The following DCC variants were observed in gnomAD, a reference collection of about 807,000 sequenced individuals.
DCC encodes DCC netrin 1 receptor.
Under a neutral mutation model 172.5 loss-of-function variants are expected in DCC, and 58 were observed. The ratio of observed to expected loss-of-function variants is 0.34; its 90% CI spans 0.27 to 0.42. The LOEUF is 0.42. Among genes scored for constraint, DCC ranks in the 10% least tolerant of loss-of-function variants. The probability of loss-of-function intolerance (pLI) is 1.00; values close to 1 mark genes in which losing one functional copy is unlikely to be tolerated. For synonymous variants in DCC, 709 were observed against 644.5 expected, an observed-to-expected ratio of 1.10 and a Z score of -1.52; for missense variants, 1,740 against 1,791.0, an observed-to-expected ratio of 0.97 and a Z score of 0.51.
chr18:53,507,453 A>G (rs2046194851), intron 27 of DCC, among the ~76,000 whole-genome samples: 1 of 152,224 alleles, frequency 6.6e-6, no homozygotes, highest in African/African-American at 2.4e-5. Context: ...CTCTTATCTT[A>G]CTAGCAGGGA....
At chr18:53,369,015 A>T (rs1482565396) in intron 15 of DCC, among the ~76,000 whole-genome samples, 3 of 151,992 alleles carry the variant, frequency 2.0e-5, no homozygotes, top group Non-Finnish European at 4.4e-5. Flanking sequence ...AATCTGTAAA[A>T]CACATTGGGT....
intron 5 of DCC, among the ~76,000 whole-genome samples, chr18:53,054,193 A>G (rs1241878630): frequency 6.6e-6 from 1 of 152,134 alleles, no homozygotes; most frequent in African/African-American, 2.4e-5. Context: ...CTGCATTTAC[A>G]TATTTTATTT....
At chr18:52,409,166 T>C (rs1419446220) in intron 1 of DCC, 1 of 152,152 alleles carries the variant, frequency 6.6e-6, no homozygotes, top group African/African-American at 2.4e-5. Context: ...TTGGGATGTA[T>C]CATGTATTCC....
At chr18:52,855,361 T>C (rs1159400572) in intron 2 of DCC, among the ~76,000 whole-genome samples, 1 of 152,220 alleles carries the variant, frequency 6.6e-6, no homozygotes, top group Non-Finnish European at 1.5e-5. Context: ...CTCCCTGTAT[T>C]TTCTATATTC....
intron 2 of DCC, among the ~76,000 whole-genome samples, chr18:52,834,526 A>G (rs570185914): frequency 6.6e-6 from 1 of 152,170 alleles, no homozygotes; most frequent in African/African-American, 2.4e-5. Flanking sequence ...TTGTGTGCCT[A>G]AGGATTGCAT....
intron 13 of DCC, among the ~76,000 whole-genome samples, chr18:53,316,310 T>A: frequency 6.6e-6 from 1 of 152,210 alleles, no homozygotes; most frequent in East Asian, 1.9e-4. Context: ...TCCTTTGCTC[T>A]ATATATCTGT....
intron 7 of DCC, among the ~76,000 whole-genome samples, chr18:53,116,268 T>C (rs73957092): frequency 0.04 from 6,084 of 151,852 alleles, 385 homozygotes; most frequent in African/African-American, 0.14. Context: ...AGCCCGAGCA[T>C]AGGAGCTCAA....
At chr18:52,432,304 TG>T (rs1987651640) in intron 1 of DCC, among the ~76,000 whole-genome samples, 1 of 152,142 alleles carries the variant, frequency 6.6e-6, no homozygotes, top group Non-Finnish European at 1.5e-5. Flanking sequence ...CCTGCTGACT[TG>T]GGTCTCCTTT....
chr18:52,752,288 A>G lies in DCC; in HGVS notation c.326A>G (p.Lys109Arg). The G allele has an allele frequency of 1.2e-6, 2 of 1,614,178 alleles. No individual in the cohort carries two copies. Among genetic ancestry groups the G allele is most frequent in the Non-Finnish European group, 1.7e-6 (2 of 1,180,028 alleles). ...AACATACTTCATTCCAGACACCACA[A>G]GCCAGATGAGGGACTTTACCAATGT... ...IQNILHSRHH[K>R]PDEGLYQCEA... Residue 109 changes from lysine (K) to arginine (R), a missense_variant, in exon 2 of 29, where the codon AAG becomes AGG. By Grantham distance (26) the Lys-to-Arg change is conservative (BLOSUM62 2). Coordinates refer to ENST00000442544, the MANE Select transcript of DCC (RefSeq NM_005215.4).
chr18:52,677,394 A>C (rs935416552), intron 1 of DCC, among the ~76,000 whole-genome samples: 2 of 152,032 alleles, frequency 1.3e-5, no homozygotes, highest in African/African-American at 4.8e-5. Context: ...AACTTGAAAA[A>C]ATTTTCAGGG....
intron 27 of DCC, among the ~76,000 whole-genome samples, chr18:53,516,484 A>C (rs1382596863): frequency 6.7e-6 from 1 of 148,152 alleles, no homozygotes; most frequent in African/African-American, 2.6e-5. Flanking sequence ...TCTGCACAGC[A>C]AAAGAAACTA....
chr18:52,997,751 G>A (rs1396418164), intron 5 of DCC, among the ~76,000 whole-genome samples: 1 of 152,070 alleles, frequency 6.6e-6, no homozygotes, highest in East Asian at 1.9e-4. Context: ...TATACCAAGT[G>A]CCTCATAGCT....
chr18:52,563,950 T>C (rs570307591), intron 1 of DCC, among the ~76,000 whole-genome samples: 2 of 152,242 alleles, frequency 1.3e-5, no homozygotes, highest in South Asian at 4.2e-4. Flanking sequence ...AGCAAAGCTT[T>C]GGGAACTTAT....
At chr18:52,887,403 G>T (rs2039586142) in intron 2 of DCC, among the ~76,000 whole-genome samples, 1 of 151,804 alleles carries the variant, frequency 6.6e-6, no homozygotes, top group African/African-American at 2.4e-5. Flanking sequence ...CTTTATATTA[G>T]GTTTATTCCA....
intron 1 of DCC, among the ~76,000 whole-genome samples, chr18:52,398,291 C>G (rs1440511107): frequency 6.6e-6 from 1 of 151,910 alleles, no homozygotes; most frequent in East Asian, 1.9e-4. Flanking sequence ...TATCTTAGAG[C>G]CTAATACACC....
chr18:52,488,556 C>A (rs1279880825), intron 1 of DCC, among the ~76,000 whole-genome samples: 1 of 151,954 alleles, frequency 6.6e-6, no homozygotes, highest in Non-Finnish European at 1.5e-5. Flanking sequence ...TAGATCTGAC[C>A]GCTGCTTTGT....
intron 16 of DCC, among the ~76,000 whole-genome samples, chr18:53,388,582 G>A (rs1908330099): frequency 6.6e-6 from 1 of 152,162 alleles, no homozygotes; most frequent in African/African-American, 2.4e-5. Context: ...AGTCTCACGT[G>A]GCCACATGCA....
chr18:52,447,387 G>A (rs947397957), intron 1 of DCC, among the ~76,000 whole-genome samples: 2 of 152,130 alleles, frequency 1.3e-5, no homozygotes, highest in African/African-American at 4.8e-5. Flanking sequence ...GTAAATAAAG[G>A]TCAGCATGTG....
intron 8 of DCC, among the ~76,000 whole-genome samples, chr18:53,175,700 A>G (rs1368871700): frequency 6.6e-6 from 1 of 152,166 alleles, no homozygotes; most frequent in Non-Finnish European, 1.5e-5. Context: ...ATGGAAGAAC[A>G]TTCCATGCTC....
Sources: allele counts gnomAD v4.1 joint callset (sites outside exome capture counted in the v4.1 genomes callset), GRCh38; gene constraint gnomAD v4.1.1; transcripts MANE v1.5; gene names NCBI Gene and HGNC (gene_info 2026-07-23, HGNC 2026-07-21).